The following USP42 variants were observed in gnomAD, a reference collection of about 807,000 sequenced individuals.
USP42 encodes ubiquitin carboxyl-terminal hydrolase 42.
Under a neutral mutation model 113.0 loss-of-function variants are expected in USP42, and 23 were observed. The observed-to-expected ratio is 0.20, with a 90% CI of 0.15 to 0.29. USP42 has a LOEUF of 0.29. Ranked by LOEUF, USP42 falls within the 10% of genes least tolerant of loss-of-function variation. The pLI is 1.00. For synonymous variants in USP42, 933 were observed against 699.0 expected (o/e 1.33, Z -5.28); for missense variants, 2,174 against 1,779.8 (o/e 1.22, Z -3.99).
chr7:6,093,568 CCTCT>C, the USP42 span, among the ~76,000 whole-genome samples: 6 of 150,774 alleles, frequency 4.0e-5, no homozygotes, highest in East Asian at 1.9e-4. Flanking sequence ...CAGGCATGTG[CCTCT>C]CTCTTTCTTT....
At chr7:6,135,212 A>G (rs1781064674) in intron 3 of USP42, among the ~76,000 whole-genome samples, 1 of 152,138 alleles carries the variant, frequency 6.6e-6, no homozygotes, top group Admixed American at 6.6e-5. Context: ...CTGGCTTTCA[A>G]ATTTGAAAGA....
Position 6,154,318 on chromosome 7 carries a change from G to A in USP42, c.2764G>A (p.Glu922Lys), listed in dbSNP as rs2128521708. ...PEGDAEPSPG[E>K]RVEDAAAPKA... ...AGGGGACGCTGAGCCTAGCCCCGGC[G>A]AGAGGGTCGAGGACGCCGCGGCGCC... Residue 922 changes from glutamate (E) to lysine (K), a missense_variant, in exon 15 of 18, where the codon GAG (glutamate) becomes AAG (lysine). Coordinates refer to ENST00000306177, the MANE Select transcript of USP42 (RefSeq NM_032172.3). 1 of 1,577,562 alleles carries A rather than the reference G, an allele frequency of 6.3e-7. No homozygotes were observed. The highest frequency in any genetic ancestry group is 8.6e-7 in the Non-Finnish European group (1 of 1,162,426).
Position 6,150,128 on chromosome 7 carries a change from G to T in USP42, c.1932G>T (p.Glu644Asp). Residue 644 changes from glutamate (E) to aspartate (D), a missense_variant, in exon 13 of 18, where the codon GAG (glutamate) becomes GAT (aspartate). By Grantham distance (45) the Glu-to-Asp change is conservative. Coordinates refer to ENST00000306177, the MANE Select transcript of USP42 (RefSeq NM_032172.3). ...SHSPGQDAED[E>D]EATPHELQEP... Reference sequence around the variant, plus strand: ...CTCCCGGCCAAGATGCCGAAGATGAGGAGGCCACTCCGCACGAGCTTCAAG... The same window carrying T: ...CTCCCGGCCAAGATGCCGAAGATGATGAGGCCACTCCGCACGAGCTTCAAG... The T allele has an allele frequency of 6.2e-7, 1 of 1,613,202 alleles. No individual in the cohort carries two copies. The highest frequency in any genetic ancestry group is 8.5e-7 in the Non-Finnish European group (1 of 1,179,500).
chr7:6,122,264 A>T (rs371383398), intron 3 of USP42, among the ~76,000 whole-genome samples: 1 of 147,768 alleles, frequency 6.8e-6, no homozygotes, highest in African/African-American at 2.5e-5. Context: ...AGATATGTTG[A>T]TATGTCATGT....
At chr7:6,097,773 G>A in the USP42 span, among the ~76,000 whole-genome samples, 2 of 150,256 alleles carry the variant, frequency 1.3e-5, no homozygotes, top group East Asian at 1.9e-4. Context: ...TGCATTTTTA[G>A]TAGAGGCGGG....
At chr7:6,104,661 C>T (rs1261520292), upstream of USP42, among the ~76,000 whole-genome samples, 4 of 152,278 alleles carry the variant, frequency 2.6e-5, no homozygotes, top group South Asian at 2.1e-4. Flanking sequence ...AGCCCTTTCG[C>T]CGGCGCGCAG....
At chr7:6,135,767 T>C in intron 3 of USP42, 74 bp from the exon 4 acceptor site, 1 of 724,462 alleles carries the variant, frequency 1.4e-6, no homozygotes, top group Non-Finnish European at 2.1e-6. Flanking sequence ...TGTGTGCCCC[T>C]GATTTGTAAT....
intron 3 of USP42, among the ~76,000 whole-genome samples, chr7:6,117,947 A>G (rs1234972937): frequency 6.6e-6 from 1 of 152,160 alleles, no homozygotes; most frequent in East Asian, 1.9e-4. Context: ...TGTTGAGCTT[A>G]GAGAGTTCTT....
chr7:6,091,860 T>C, the USP42 span, among the ~76,000 whole-genome samples: 1 of 150,922 alleles, frequency 6.6e-6, no homozygotes, highest in East Asian at 1.9e-4. Context: ...TAGCTGGGAC[T>C]ACAGGGGTGC....
At chr7:6,092,004 TC>T in the USP42 span, among the ~76,000 whole-genome samples, 1 of 82,746 alleles carries the variant, frequency 1.2e-5, no homozygotes. Context: ...TTCTTCTTCT[TC>T]TTCTTCTTCT....
intron 14 of USP42, among the ~76,000 whole-genome samples, chr7:6,152,769 G>A (rs933525813): frequency 2.6e-5 from 4 of 152,192 alleles, no homozygotes; most frequent in African/African-American, 4.8e-5. Context: ...GGAATCAAAG[G>A]ACAAAGTTAA....
At position 6,153,063 on chromosome 7, in the gene USP42, G is replaced by C. The variant is rs1160710548; in HGVS notation, c.2202-693G>C. ...AGGCGGGCGGATCACCTGAGGTCAG[G>C]AGTTCGAGACCAGCTTGGCCAAGGT... On this transcript the variant is annotated intron_variant, in intron 14 of 17. Coordinates refer to ENST00000306177, the MANE Select transcript of USP42 (RefSeq NM_032172.3). 1.1e-5 allele frequency: 6 copies of C among 555,742 alleles called. No homozygotes were observed. The African/African-American group carries it at 1.2e-4, about 11-fold the overall frequency. 34.4% of individuals were successfully genotyped at this position (555,742 alleles called of 1,614,324 possible). A position where few individuals can be genotyped will look rare whatever the true frequency, so the allele number is the denominator to read the frequency against.
At chr7:6,084,706 A>C in the USP42 span, 1 of 148,508 alleles carries the variant, frequency 6.7e-6, no homozygotes, top group African/African-American at 2.5e-5. Flanking sequence ...TCCTCACCTG[A>C]TATCGCAAGG....
At chr7:6,134,334 T>A (rs189523525) in intron 3 of USP42, among the ~76,000 whole-genome samples, 1 of 152,346 alleles carries the variant, frequency 6.6e-6, no homozygotes, top group East Asian at 1.9e-4. Flanking sequence ...TTTCTCCTTG[T>A]TACCGGTCAT....
intron 2 of USP42, among the ~76,000 whole-genome samples, chr7:6,113,609 T>A (rs1289650683): frequency 6.6e-6 from 1 of 151,816 alleles, no homozygotes; most frequent in African/African-American, 2.4e-5. Context: ...AGCCTTTTGG[T>A]TTTTTTTGTT....
upstream of USP42, among the ~76,000 whole-genome samples, chr7:6,101,205 A>T (rs1040332320): frequency 4.6e-5 from 7 of 151,102 alleles, 1 homozygote; most frequent in African/African-American, 1.7e-4. Flanking sequence ...AGCGAACACC[A>T]CAGCAGCAGA....
At position 6,154,440 on chromosome 7, in the gene USP42, C is replaced by T; in HGVS notation, c.2886C>T (p.Ser962=). 1 of 1,568,556 alleles carries T rather than the reference C, an allele frequency of 6.4e-7. No homozygotes were observed. Among genetic ancestry groups the T allele is most frequent in the Admixed American group, 1.9e-5 (1 of 53,338 alleles). ...HYRSRRERSS[S]GEPARESRSK... The stretch of plus-strand genomic sequence containing the variant: ...GCAGCCGGAGAGAGCGCTCGTCCAG[C>T]GGGGAGCCCGCCAGAGAGAGCAGGA... The change falls in exon 15 of 18, where the codon AGC becomes AGT. Residue 962 remains serine (S), a synonymous_variant. Coordinates refer to ENST00000306177, the MANE Select transcript of USP42 (RefSeq NM_032172.3).
intron 6 of USP42, 34 bp downstream of exon 6, chr7:6,140,229 C>A: frequency 6.3e-7 from 1 of 1,576,086 alleles, no homozygotes; most frequent in Admixed American, 1.7e-5. Flanking sequence ...TAAAATGATA[C>A]ACACATGTGG....
At chr7:6,136,697 A>C (rs1013038458) in intron 4 of USP42, among the ~76,000 whole-genome samples, 1 of 152,210 alleles carries the variant, frequency 6.6e-6, no homozygotes, top group Non-Finnish European at 1.5e-5. Context: ...TGTCAAAATA[A>C]AGTTAATTAG....
Sources: gnomAD v4.1 joint callset for allele counts (sites outside exome capture counted in the v4.1 genomes callset) on GRCh38, gnomAD v4.1.1 for gene constraint, MANE v1.5 for transcripts, NCBI Gene and HGNC (gene_info 2026-07-23, HGNC 2026-07-21) for gene names.